Variants in EXPH5 observed in about 807,000 individuals in gnomAD.
EXPH5 encodes the protein exophilin 5.
Under a neutral mutation model 41.1 loss-of-function variants are expected in EXPH5, and 42 were observed. The ratio of observed to expected loss-of-function variants is 1.02; its 90% CI spans 0.80 to 1.32. EXPH5 has a LOEUF of 1.32. Among genes scored for constraint, EXPH5 ranks in the 40% most tolerant of loss-of-function variants. The pLI is 0.00. For missense variants in EXPH5, 2,298 were observed against 2,314.5 expected (o/e 0.99, Z 0.15); for synonymous variants, 798 against 833.5 (o/e 0.96, Z 0.73).
At chr11:108,521,270 T>C (rs2093763294) in intron 4 of EXPH5, among the ~76,000 whole-genome samples, 1 of 152,216 alleles carries the variant, frequency 6.6e-6, no homozygotes, top group South Asian at 2.1e-4. Flanking sequence ...AACAGGTCTG[T>C]CTGATTCCAC....
chr11:108,532,341 T>G (rs865933344), intron 3 of EXPH5, among the ~76,000 whole-genome samples: 14 of 7,060 alleles, frequency 2.0e-3, no homozygotes, highest in East Asian at 8.9e-3. Flanking sequence ...CCACACTGGA[T>G]ATATATATAT....
chr11:108,529,318 T>G (rs2093821424), intron 3 of EXPH5, among the ~76,000 whole-genome samples: 1 of 152,146 alleles, frequency 6.6e-6, no homozygotes, highest in South Asian at 2.1e-4. Flanking sequence ...GGCCCAGAAT[T>G]GAGATAAATT....
intron 1 of EXPH5, among the ~76,000 whole-genome samples, chr11:108,550,243 G>A (rs2093957232): frequency 1.3e-5 from 2 of 152,174 alleles, no homozygotes; most frequent in African/African-American, 4.8e-5. Context: ...TGAGACTTCT[G>A]TATAAGGAAG....
At chr11:108,587,823 G>T (rs1430840517) in intron 1 of EXPH5, among the ~76,000 whole-genome samples, 1 of 152,126 alleles carries the variant, frequency 6.6e-6, no homozygotes, top group African/African-American at 2.4e-5. Flanking sequence ...CGCGGTCTCG[G>T]CTCACTGCAA....
chr11:108,586,210 G>A (rs1213903994), intron 1 of EXPH5, among the ~76,000 whole-genome samples: 2 of 150,948 alleles, frequency 1.3e-5, no homozygotes, highest in African/African-American at 4.9e-5. Context: ...TCGGCCTCCC[G>A]AAGTGTTGGG....
At position 108,513,492 on chromosome 11, in the gene EXPH5, ACTTCTGTATGG is replaced by A. The variant is rs1346855888; in HGVS notation, c.2004_2014del (p.Thr670CysfsTer8). 2 of 1,613,898 alleles carry A rather than the reference ACTTCTGTATGG, an allele frequency of 1.2e-6. No homozygotes were observed. Among genetic ancestry groups the A allele is most frequent in the Non-Finnish European group, 8.5e-7 (1 of 1,179,958 alleles). On this transcript the variant is annotated frameshift_variant, in exon 6 of 6. Transcript: ENST00000265843. LOFTEE classifies it low-confidence loss of function (END_TRUNC). ...AACTGAATTGCTGCTGGTCACAGTG[ACTTCTGTATGG>A]CTTCTCATTGGATGAGAGGCAGGCT... is the stretch of plus-strand genomic sequence containing the variant.
chr11:108,525,225 C>T (rs994290456), intron 4 of EXPH5, among the ~76,000 whole-genome samples: 6 of 152,200 alleles, frequency 3.9e-5, no homozygotes, highest in African/African-American at 1.4e-4. Flanking sequence ...TTGGGTATCT[C>T]TTTATCAGCA....
At chr11:108,546,282 G>A (rs184703691) in intron 1 of EXPH5, among the ~76,000 whole-genome samples, 12 of 152,224 alleles carry the variant, frequency 7.9e-5, no homozygotes, top group East Asian at 3.9e-4. Context: ...GATAAGACCC[G>A]TTGGATTTGC....
At position 108,512,293 on chromosome 11, in the gene EXPH5, G is replaced by T. The variant is rs748088188; in HGVS notation, c.3214C>A (p.Pro1072Thr). The T allele has an allele frequency of 1.2e-6, 2 of 1,613,704 alleles. No homozygotes were observed. Among genetic ancestry groups the T allele is most frequent in the Admixed American group, 1.7e-5 (1 of 59,958 alleles). ...MGNYMLNKFS[P>T]SSPESANECS... ...TCATTCGCTGACTCAGGAGAACTGG[G>T]ACTAAATTTGTTTAACATATAGTTC... Residue 1072 changes from proline to threonine, a missense_variant, in exon 6 of 6, where the codon CCC becomes ACC. Coordinates refer to ENST00000265843, the MANE Select transcript of EXPH5 (RefSeq NM_015065.3).
intron 1 of EXPH5, among the ~76,000 whole-genome samples, chr11:108,542,171 G>T (rs2155437): frequency 6.6e-6 from 1 of 151,916 alleles, no homozygotes; most frequent in Non-Finnish European, 1.5e-5. Context: ...TGAGCCACCT[G>T]GCCCAGCCTC....
chr11:108,531,125 C>T (rs1440787507), intron 3 of EXPH5, among the ~76,000 whole-genome samples: 1 of 152,182 alleles, frequency 6.6e-6, no homozygotes, highest in Non-Finnish European at 1.5e-5. Flanking sequence ...AGAGATTTCA[C>T]ATATATCCCC....
At chr11:108,516,855 C>T (rs1207168493) in intron 5 of EXPH5, among the ~76,000 whole-genome samples, 1 of 152,050 alleles carries the variant, frequency 6.6e-6, no homozygotes, top group Non-Finnish European at 1.5e-5. Context: ...TTCCCTATAG[C>T]CACAATAAAA....
At chr11:108,551,460 C>A (rs565166624) in intron 1 of EXPH5, among the ~76,000 whole-genome samples, 1 of 152,344 alleles carries the variant, frequency 6.6e-6, no homozygotes, top group South Asian at 2.1e-4. Flanking sequence ...GCTCCTCTTG[C>A]CAAAGGCATC....
the EXPH5 span, among the ~76,000 whole-genome samples, chr11:108,602,312 T>C: frequency 9.2e-5 from 14 of 152,364 alleles, no homozygotes; most frequent in Non-Finnish European, 1.5e-4. Context: ...GGCACTGTTT[T>C]ACAGCTGTTC....
intron 1 of EXPH5, 51 bp downstream of exon 1, chr11:108,593,367 G>A: frequency 2.6e-6 from 4 of 1,526,586 alleles, no homozygotes; most frequent in Non-Finnish European, 3.6e-6. Flanking sequence ...GCGGATCCCC[G>A]GCCCCTGCGG....
intron 1 of EXPH5, among the ~76,000 whole-genome samples, chr11:108,574,046 C>T (rs1242908124): frequency 2.0e-5 from 3 of 151,516 alleles, no homozygotes; most frequent in African/African-American, 4.9e-5. Context: ...AGACTACAGG[C>T]GTTCGCCACC....
intron 1 of EXPH5, among the ~76,000 whole-genome samples, chr11:108,563,107 G>C (rs2094019941): frequency 1.3e-5 from 2 of 152,192 alleles, no homozygotes; most frequent in Admixed American, 1.3e-4. Flanking sequence ...GAAGACAGAG[G>C]GAGGATCTGT....
chr11:108,583,961 A>G (rs1277993785), intron 1 of EXPH5, among the ~76,000 whole-genome samples: 5 of 152,242 alleles, frequency 3.3e-5, no homozygotes, highest in Admixed American at 2.6e-4. Context: ...AGAGCCAATA[A>G]GTAAGTTTAG....
Position 108,511,877 on chromosome 11 carries a change from A to G in EXPH5, c.3630T>C (p.Pro1210=). ...RSVFALSNED[P]LPFCSDLSGK... is the part of the protein sequence containing the mutation. ...CTGACAAGTCTGAGCAAAAAGGTAA[A>G]GGGTCTTCATTTGAAAGAGCAAATA... is the stretch of plus-strand genomic sequence containing the variant. Residue 1210 remains proline (P), a synonymous_variant, in exon 6 of 6, where the codon CCT becomes CCC. Coordinates refer to ENST00000265843, the MANE Select transcript of EXPH5 (RefSeq NM_015065.3). The G allele has an allele frequency of 6.3e-7, 1 of 1,588,584 alleles. No homozygotes were observed. Among genetic ancestry groups the G allele is most frequent in the African/African-American group, 1.4e-5 (1 of 73,546 alleles).
Sources: gnomAD v4.1 joint callset for allele counts (sites outside exome capture counted in the v4.1 genomes callset) on GRCh38, gnomAD v4.1.1 for gene constraint, MANE v1.5 for transcripts, NCBI Gene and HGNC (gene_info 2026-07-23, HGNC 2026-07-21) for gene names.